Variants in RANBP6 observed in about 807,000 individuals in gnomAD.
RANBP6 encodes the protein RAN binding protein 6, also known as ran-binding protein 6.
A neutral mutation model predicts 35.3 loss-of-function variants in RANBP6; 10 were observed. The ratio of observed to expected loss-of-function variants is 0.28; its 90% confidence interval spans 0.17 to 0.48. RANBP6 has a LOEUF of 0.48. Ranked by LOEUF, RANBP6 falls within the 20% of genes least tolerant of loss-of-function variation. The probability of loss-of-function intolerance (pLI) is 0.99; values close to 1 mark genes in which losing one functional copy is unlikely to be tolerated. For synonymous variants in RANBP6, 514 were observed against 464.2 expected (o/e 1.11, Z -1.38); for missense variants, 1,392 against 1,307.7 (o/e 1.06, Z -0.99).
chr9:6,013,511 C>G lies in RANBP6; in HGVS notation c.2097G>C (p.Glu699Asp), dbSNP rs1157812049. ...ACQMLVYYAK[E>D]LREGFVEYTE... Reference sequence around the variant, plus strand: ...TATATTCCACAAACCCTTCCCTTAACTCCTTAGCATAGTAAACCAACATTT... The same window carrying G: ...TATATTCCACAAACCCTTCCCTTAAGTCCTTAGCATAGTAAACCAACATTT... Residue 699 changes from glutamate (E) to aspartate (D), a missense_variant, in exon 1 of 1, where the codon GAG (glutamate) becomes GAC (aspartate). Coordinates refer to ENST00000259569, the MANE Select transcript of RANBP6 (RefSeq NM_012416.4). 1 of 1,614,246 alleles carries G rather than the reference C, an allele frequency of 6.2e-7. No homozygotes were observed. Among genetic ancestry groups the G allele is most frequent in the East Asian group, 2.2e-5 (1 of 44,886 alleles).
In RANBP6 at chr9:6,011,121, G is replaced by T. The variant is rs1344125434; in HGVS notation, c.*1169C>A. On this transcript the variant is annotated 3_prime_UTR_variant, in exon 1 of 1. Transcript: ENST00000259569. ...ATACACAGTACTCACAATAGCCCCA[G>T]GAAATTATAGATGTATTTAAGTTTT... is the stretch of plus-strand genomic sequence containing the variant. 6.6e-6 allele frequency: 1 copy of T among 152,136 alleles called. No homozygotes were observed. Among genetic ancestry groups the T allele is most frequent in the East Asian group, 1.9e-4 (1 of 5,198 alleles). 9.4% of individuals were successfully genotyped at this position (152,136 alleles called of 1,614,324 possible).
At position 6,012,963 on chromosome 9, in the gene RANBP6, G is replaced by C; in HGVS notation, c.2645C>G (p.Ser882Ter). 6.2e-7 allele frequency: 1 copy of C among 1,614,104 alleles called. No homozygotes were observed. The highest frequency in any genetic ancestry group is 8.5e-7 in the Non-Finnish European group (1 of 1,180,008). ...CTGTCTGTCTGGCCATGGCCTACTTGAACAAATTAGATTTACAATTAATGG... is the reference window on the plus strand; with the variant it reads ...CTGTCTGTCTGGCCATGGCCTACTTCAACAAATTAGATTTACAATTAATGG... ...LLPLIVNLIC[S>*]SRPWPDRQWG... The change falls in exon 1 of 1, where the codon TCA becomes TGA. Residue 882 changes from serine to a stop codon, truncating the protein, a stop_gained. Transcript: ENST00000259569. LOFTEE classifies it high-confidence loss of function.
chr9:6,013,779 G>C lies in RANBP6; in HGVS notation c.1829C>G (p.Ser610Cys), dbSNP rs779821505. 7 of 1,613,736 alleles carry C rather than the reference G, an allele frequency of 4.3e-6. No homozygotes were observed. The African/African-American group carries it at 5.3e-5, about 12-fold the overall frequency. ...NNMEDDDPQT[S>C]YMVSAWARMC... is the part of the protein sequence containing the mutation. ...TCTAGCCCATGCTGAAACCATGTAAGAGGTCTGAGGGTCATCATCTTCCAT... is the reference window on the plus strand; with the variant it reads ...TCTAGCCCATGCTGAAACCATGTAACAGGTCTGAGGGTCATCATCTTCCAT... The change falls in exon 1 of 1, where the codon TCT (serine) becomes TGT (cysteine). Residue 610 changes from serine to cysteine, a missense_variant. Transcript: ENST00000259569.
chr9:6,015,081 T>C lies in RANBP6; in HGVS notation c.527A>G (p.His176Arg), dbSNP rs1480161612. 1.2e-6 allele frequency: 2 copies of C among 1,614,186 alleles called. No individual in the cohort carries two copies. The highest frequency in any genetic ancestry group is 1.7e-6 in the Non-Finnish European group (2 of 1,180,038). Residue 176 changes from histidine (H) to arginine (R), a missense_variant, in exon 1 of 1, where the codon CAT becomes CGT. His to Arg is a conservative substitution (Grantham distance 29). Transcript: ENST00000259569. ...CAACCGTTTGATGATATCCAAATCA[T>C]GCCGCTCTTGGGTCCCAAAAATCCC... ...FPGIFGTQER[H>R]DLDIIKRLLD...
Position 6,015,332 on chromosome 9 carries a change from A to G in RANBP6, c.276T>C (p.Asp92=). 6.2e-7 allele frequency: 1 copy of G among 1,614,228 alleles called. No homozygotes were observed. The highest frequency in any genetic ancestry group is 8.5e-7 in the Non-Finnish European group (1 of 1,180,040). Residue 92 remains aspartate (D), a synonymous_variant, in exon 1 of 1, where the codon GAT becomes GAC. Coordinates refer to ENST00000259569, the MANE Select transcript of RANBP6 (RefSeq NM_012416.4). ...FEEVYPNLPA[D]VQRDVKIELI... ...GTTCAATCTTGACATCTCTCTGAAC[A>G]TCAGCAGGCAGATTTGGATAAACCT...
chr9:6,013,890 C>A lies in RANBP6; in HGVS notation c.1718G>T (p.Gly573Val). 6.2e-7 allele frequency: 1 copy of A among 1,613,958 alleles called. No individual in the cohort carries two copies. Residue 573 changes from glycine (G) to valine (V), a missense_variant, in exon 1 of 1, where the codon GGT (glycine) becomes GTT (valine). Gly to Val is a moderately radical substitution (Grantham distance 109, BLOSUM62 -3). Transcript: ENST00000259569. ...AAATTTTTCCTTCCCAACAGCAAGA[C>A]CAATATGGCTAATGCACTCGATAGT... ...GKTIECISHI[G>V]LAVGKEKFMQ...
chr9:6,012,995 T>C lies in RANBP6; in HGVS notation c.2613A>G (p.Gln871=), dbSNP rs771184905. Residue 871 remains glutamine (Q), a synonymous_variant, in exon 1 of 1, where the codon CAA becomes CAG. Transcript: ENST00000259569. ...TTAGATTTACAATTAATGGAAGTAG[T>C]TGTTCAAACCATGGTAAAATCTTTT... ...YKEKILPWFE[Q]LLPLIVNLIC... 3.7e-6 allele frequency: 6 copies of C among 1,613,724 alleles called. No individual in the cohort carries two copies. Among genetic ancestry groups the C allele is most frequent in the Non-Finnish European group, 5.1e-6 (6 of 1,179,866 alleles).
Position 6,013,884 on chromosome 9 carries a change from G to T in RANBP6, c.1724C>A (p.Ala575Asp). The T allele has an allele frequency of 6.2e-7, 1 of 1,613,832 alleles. No homozygotes were observed. The change falls in exon 1 of 1, where the codon GCT (alanine) becomes GAT (aspartate). Residue 575 changes from alanine to aspartate, a missense_variant. Coordinates refer to ENST00000259569, the MANE Select transcript of RANBP6 (RefSeq NM_012416.4). ...TIECISHIGLAVGKEKFMQDA... is the reference protein window; with the variant it reads ...TIECISHIGLDVGKEKFMQDA... Reference sequence around the variant, plus strand: ...TTGCATAAATTTTTCCTTCCCAACAGCAAGACCAATATGGCTAATGCACTC... The same window carrying T: ...TTGCATAAATTTTTCCTTCCCAACATCAAGACCAATATGGCTAATGCACTC...
chr9:6,012,717 T>G lies in RANBP6; in HGVS notation c.2891A>C (p.Lys964Thr). 2 of 1,614,164 alleles carry G rather than the reference T, an allele frequency of 1.2e-6. No homozygotes were observed. The highest frequency in any genetic ancestry group is 8.5e-7 in the Non-Finnish European group (1 of 1,180,020). Residue 964 changes from lysine to threonine, a missense_variant, in exon 1 of 1, where the codon AAG becomes ACG. Lys to Thr is a moderately conservative substitution (Grantham distance 78). Transcript: ENST00000259569. ...TTTTTTGGTTTTGGAATTTGCACAC[T>G]TAATAACTTTTACCAGAAGTGGAAC... ...EAVPLLVKVIKCANSKTKKNV... is the reference protein window; with the variant it reads ...EAVPLLVKVITCANSKTKKNV...
rs779660448 is a variant in RANBP6 at position 6,012,840 on chromosome 9, C to T, written c.2768G>A (p.Arg923Gln). Reference protein sequence around the residue: ...YFRWPMLLNMRDNNPEVRQAA... With the variant: ...YFRWPMLLNMQDNNPEVRQAA... ...TTGCCTGACTTCAGGGTTGTTATCT[C>T]GCATATTTAGTAGCATTGGCCACCG... Residue 923 changes from arginine to glutamine, a missense_variant, in exon 1 of 1, where the codon CGA becomes CAA. Transcript: ENST00000259569. 9.3e-6 allele frequency: 15 copies of T among 1,613,858 alleles called. No individual in the cohort carries two copies. The highest frequency in any genetic ancestry group is 8.9e-5 in the East Asian group (4 of 44,898).
chr9:6,015,026 A>T lies in RANBP6; in HGVS notation c.582T>A (p.His194Gln). Residue 194 changes from histidine (H) to glutamine (Q), a missense_variant, in exon 1 of 1, where the codon CAT becomes CAA. His to Gln is a conservative substitution (Grantham distance 24, BLOSUM62 0). Coordinates refer to ENST00000259569, the MANE Select transcript of RANBP6 (RefSeq NM_012416.4). The part of the protein sequence containing the change: ...LLDQCIQDQE[H>Q]PAIRTLSARA... The stretch of plus-strand genomic sequence containing the variant: ...TAGCGGATAATGTCCTGATTGCTGG[A>T]TGTTCTTGATCTTGAATACACTGGT... 8 of 1,614,214 alleles carry T rather than the reference A, an allele frequency of 5.0e-6. No homozygotes were observed. The highest frequency in any genetic ancestry group is 5.9e-6 in the Non-Finnish European group (7 of 1,180,046).
Position 6,015,214 on chromosome 9 carries a change from C to T in RANBP6, c.394G>A (p.Asp132Asn), listed in dbSNP as rs146495684. ...AVLARNLIDE[D>N]GTNHWPEGLK... is the part of the protein sequence containing the mutation. ...CCTTCCGGCCAGTGGTTAGTGCCAT[C>T]CTCATCTATCAAATTCCTGGCCAGC... Residue 132 changes from aspartate to asparagine, a missense_variant, in exon 1 of 1, where the codon GAT (aspartate) becomes AAT (asparagine). Coordinates refer to ENST00000259569, the MANE Select transcript of RANBP6 (RefSeq NM_012416.4). 2.7e-4 allele frequency: 439 copies of T among 1,614,184 alleles called. 1 individual carries two copies. The South Asian group carries it at 4.0e-3, about 15-fold the overall frequency.
chr9:6,012,891 G>T lies in RANBP6; in HGVS notation c.2717C>A (p.Thr906Asn), dbSNP rs371896002. ...AAAATATTCTACATATTTAAATGAA[G>T]TTGGACTGCAGTGCTCTATGATGTC... Reference protein sequence around the residue: ...FDDIIEHCSPTSFKYVEYFRW... With the variant: ...FDDIIEHCSPNSFKYVEYFRW... The change falls in exon 1 of 1, where the codon ACT becomes AAT. Residue 906 changes from threonine (T) to asparagine (N), a missense_variant. Thr to Asn is a moderately conservative substitution (Grantham distance 65). Transcript: ENST00000259569. 6.2e-7 allele frequency: 1 copy of T among 1,613,936 alleles called. No homozygotes were observed. The highest frequency in any genetic ancestry group is 8.5e-7 in the Non-Finnish European group (1 of 1,179,992).
rs771714134 is a variant in RANBP6 at position 6,015,445 on chromosome 9, C to G, written c.163G>C (p.Asp55His). Residue 55 changes from aspartate to histidine, a missense_variant, in exon 1 of 1, where the codon GAT becomes CAT. By Grantham distance (81) the Asp-to-His change is moderately conservative. Transcript: ENST00000259569. The stretch of plus-strand genomic sequence containing the variant: ...CCTGCTCTTCTATTTCTGACGGCAT[C>G]TAAGAGGAAGGTAGTCTTACACAGA... ...PGLCKTTFLLDAVRNRRAGYE... is the reference protein window; with the variant it reads ...PGLCKTTFLLHAVRNRRAGYE... The G allele has an allele frequency of 6.2e-7, 1 of 1,614,206 alleles. No individual in the cohort carries two copies. The highest frequency in any genetic ancestry group is 1.1e-5 in the South Asian group (1 of 91,090).
rs1280015973 is a variant in RANBP6 at position 6,013,043 on chromosome 9, G to C, written c.2565C>G (p.His855Gln). ...YILTKVSDIL[H>Q]SLFSTYKEKI... ...TTTCCTTATAAGTACTAAATAATGA[G>C]TGCAAAATATCTGATACTTTGGTCA... The change falls in exon 1 of 1, where the codon CAC becomes CAG. Residue 855 changes from histidine (H) to glutamine (Q), a missense_variant. Physicochemically the swap from His to Gln is conservative, Grantham distance 24. Coordinates refer to ENST00000259569, the MANE Select transcript of RANBP6 (RefSeq NM_012416.4). 2 of 1,613,758 alleles carry C rather than the reference G, an allele frequency of 1.2e-6. No homozygotes were observed. The highest frequency in any genetic ancestry group is 2.2e-5 in the East Asian group (1 of 44,880).
chr9:6,015,368 A>C lies in RANBP6; in HGVS notation c.240T>G (p.Ser80=), dbSNP rs764414326. 6.2e-7 allele frequency: 1 copy of C among 1,614,216 alleles called. No individual in the cohort carries two copies. The highest frequency in any genetic ancestry group is 2.2e-5 in the East Asian group (1 of 44,888). ...GATTTGGATAAACCTCCTCAAACCC[A>C]GAGGACAAAAGCCGTCGTAGCAGTG... ...AAALLRRLLS[S]GFEEVYPNLP... The change falls in exon 1 of 1, where the codon TCT becomes TCG. Residue 80 remains serine, a synonymous_variant. Transcript: ENST00000259569.
rs1052309526 is a variant in RANBP6, at chr9:6,012,447, T to C, written c.3161A>G (p.Lys1054Arg). The C allele has an allele frequency of 5.6e-6, 9 of 1,613,688 alleles. No individual in the cohort carries two copies. Among genetic ancestry groups the C allele is most frequent in the Non-Finnish European group, 7.6e-6 (9 of 1,179,898 alleles). The change falls in exon 1 of 1, where the codon AAA (lysine) becomes AGA (arginine). Residue 1054 changes from lysine (K) to arginine (R), a missense_variant. Physicochemically the swap from Lys to Arg is conservative, Grantham distance 26. Transcript: ENST00000259569. ...CTCATAGTTAATAGTCTCATTAATT[T>C]TTCCTTCTGCAATTATACTGATTAT... is the stretch of plus-strand genomic sequence containing the variant. ...PKIISIIAEG[K>R]INETINYEDP...
chr9:6,014,243 T>C lies in RANBP6; in HGVS notation c.1365A>G (p.Leu455=). ...GATTACCTTGATTTTCCATGGTACG[T>C]AACAGAGCTGCAATCACTGTTTCAT... ...KFHETVIAAL[L]RTMENQGNQR... The change falls in exon 1 of 1, where the codon TTA becomes TTG. Residue 455 remains leucine (L), a synonymous_variant. Coordinates refer to ENST00000259569, the MANE Select transcript of RANBP6 (RefSeq NM_012416.4). The C allele has an allele frequency of 6.2e-7, 1 of 1,614,186 alleles. No homozygotes were observed. The highest frequency in any genetic ancestry group is 8.5e-7 in the Non-Finnish European group (1 of 1,180,018).
Position 6,014,477 on chromosome 9 carries a change from G to T in RANBP6, c.1131C>A (p.Ser377Arg). ...TKEHIMQMLQSPDWKYRHAGL... is the reference protein window; with the variant it reads ...TKEHIMQMLQRPDWKYRHAGL... ...CAGCATGTCGATACTTCCAGTCAGG[G>T]CTCTGAAGCATCTGCATGATATGCT... Residue 377 changes from serine (S) to arginine (R), a missense_variant, in exon 1 of 1, where the codon AGC becomes AGA. Coordinates refer to ENST00000259569, the MANE Select transcript of RANBP6 (RefSeq NM_012416.4). 6.2e-7 allele frequency: 1 copy of T among 1,614,122 alleles called. No homozygotes were observed. Among genetic ancestry groups the T allele is most frequent in the Admixed American group, 1.7e-5 (1 of 60,014 alleles).
Sources: allele counts gnomAD v4.1 joint callset, GRCh38; gene constraint gnomAD v4.1.1; transcripts MANE v1.5; gene names NCBI Gene and HGNC (gene_info 2026-07-23, HGNC 2026-07-21).